Variants in GRIA4 observed in about 807,000 individuals in gnomAD.
GRIA4 encodes the protein glutamate ionotropic receptor AMPA type subunit 4.
A neutral mutation model predicts 104.0 loss-of-function variants in GRIA4; 34 were observed. That is an observed-to-expected ratio of 0.33 (90% confidence interval 0.25 to 0.44). GRIA4 has a LOEUF of 0.44. Among genes scored for constraint, GRIA4 ranks in the 20% least tolerant of loss-of-function variants. The probability of loss-of-function intolerance (pLI) is 1.00; values close to 1 mark genes in which losing one functional copy is unlikely to be tolerated. For synonymous variants in GRIA4, 386 were observed against 381.9 expected (o/e 1.01, Z -0.13); for missense variants, 750 against 1,096.5 (o/e 0.68, Z 4.46).
Position 105,910,508 on chromosome 11 carries a change from C to T in GRIA4, c.1232C>T (p.Ala411Val), listed in dbSNP as rs374681143. ...DVPTLGNDTA[A>V]IENRTVVVTT... ...CCAACTCTTGGCAATGACACAGCTG[C>T]TATTGAGAACAGAACAGTGGTTGTA... Residue 411 changes from alanine (A) to valine (V), a missense_variant, in exon 10 of 17, where the codon GCT becomes GTT. By Grantham distance (64) the Ala-to-Val change is moderately conservative (BLOSUM62 0). This residue lies in a region of GRIA4 where 410 missense variants were observed against 502.7 expected (regional missense o/e 0.82). Coordinates refer to ENST00000282499, the MANE Select transcript of GRIA4 (RefSeq NM_000829.4). The T allele has an allele frequency of 3.2e-6, 5 of 1,585,892 alleles. No individual in the cohort carries two copies. The African/African-American group carries it at 6.7e-5, about 21-fold the overall frequency.
chr11:105,794,504 T>TATATATATATATAC (rs1942389132), intron 4 of GRIA4, among the ~76,000 whole-genome samples: 2 of 122,204 alleles, frequency 1.6e-5, no homozygotes, highest in African/African-American at 6.6e-5. Flanking sequence ...TATATATATA[T>TATATATATATATAC]ATATATATAC....
chr11:105,770,745 C>T (rs965563682), intron 4 of GRIA4, among the ~76,000 whole-genome samples: 1 of 152,002 alleles, frequency 6.6e-6, no homozygotes, highest in African/African-American at 2.4e-5. Context: ...AAGATTTTTC[C>T]AATTTTCACA....
chr11:105,716,266 G>A (rs1954085916), intron 3 of GRIA4, among the ~76,000 whole-genome samples: 1 of 152,018 alleles, frequency 6.6e-6, no homozygotes, highest in Non-Finnish European at 1.5e-5. Flanking sequence ...ACTATTAAAT[G>A]TAAATTTTGC....
chr11:105,866,506 T>C (rs1350058180), intron 5 of GRIA4, among the ~76,000 whole-genome samples: 1 of 146,950 alleles, frequency 6.8e-6, no homozygotes, highest in Non-Finnish European at 1.5e-5. Flanking sequence ...TACACATACA[T>C]ATATATACAC....
rs1288600354 is a variant in GRIA4 at position 105,971,904 on chromosome 11, C to T, written c.2295-10C>T. 1 of 1,494,280 alleles carries T rather than the reference C, an allele frequency of 6.7e-7. No individual in the cohort carries two copies. Among genetic ancestry groups the T allele is most frequent in the Admixed American group, 1.7e-5 (1 of 59,536 alleles). The allele number at this position is 1,494,280 out of a possible 1,614,324, so 92.6% of individuals were successfully genotyped here. A position where few individuals can be genotyped will look rare whatever the true frequency, so the allele number is the denominator to read the frequency against. ...TATATAATGTTATTTATGTTATTTT[C>T]CACGTGAAGAACTCCTGTAAACCTT... On this transcript the variant is annotated splice_polypyrimidine_tract_variant and intron_variant, in intron 14 of 16. Transcript: ENST00000282499.
At chr11:105,919,352 A>G (rs1451116711) in intron 11 of GRIA4, among the ~76,000 whole-genome samples, 1 of 152,158 alleles carries the variant, frequency 6.6e-6, no homozygotes, top group Non-Finnish European at 1.5e-5. Flanking sequence ...AATTACTCAT[A>G]GATATCTTTT....
chr11:105,786,263 G>C (rs992457992), intron 4 of GRIA4, among the ~76,000 whole-genome samples: 1 of 151,580 alleles, frequency 6.6e-6, no homozygotes, highest in Non-Finnish European at 1.5e-5. Flanking sequence ...TCACATTACC[G>C]AGTTGAATCT....
In GRIA4 at chr11:105,666,254, T is replaced by TA. The variant is rs1952161728; in HGVS notation, c.247+53820_247+53821insA. Among the ~76,000 whole-genome samples the TA allele has an allele frequency of 7.2e-5, 11 of 152,146 alleles. No homozygotes were observed. The South Asian group carries it at 1.9e-3, about 26-fold the overall frequency. ...ATTTCTATTGATTGTACCATATTAT[T>TA]CACTAATCCTTTCATTCAAACAATA... is the stretch of plus-strand genomic sequence containing the variant. On this transcript the variant is annotated intron_variant, in intron 3 of 16. Transcript: ENST00000282499.
At chr11:105,870,413 T>C (rs551417702) in intron 5 of GRIA4, among the ~76,000 whole-genome samples, 7 of 152,116 alleles carry the variant, frequency 4.6e-5, no homozygotes, top group Non-Finnish European at 1.0e-4. Context: ...TTAACACACA[T>C]TTATCCAGTA....
intron 4 of GRIA4, among the ~76,000 whole-genome samples, chr11:105,807,904 C>T (rs1943016924): frequency 6.6e-6 from 1 of 151,886 alleles, no homozygotes; most frequent in African/African-American, 2.4e-5. Context: ...TTCTGTTTAG[C>T]TTCAAATAAT....
At chr11:105,636,845 G>A (rs1951216864) in intron 3 of GRIA4, among the ~76,000 whole-genome samples, 1 of 152,166 alleles carries the variant, frequency 6.6e-6, no homozygotes, top group South Asian at 2.1e-4. Flanking sequence ...ACTGCACTTG[G>A]CTAGAACTGA....
intron 4 of GRIA4, among the ~76,000 whole-genome samples, chr11:105,779,975 T>C (rs2186599): frequency 6.6e-6 from 1 of 152,158 alleles, no homozygotes; most frequent in Non-Finnish European, 1.5e-5. Flanking sequence ...CTAGAGGAAT[T>C]GCTTTAAAGG....
Position 105,924,780 on chromosome 11 carries a change from A to G in GRIA4, c.1847+11A>G. On this transcript the variant is annotated intron_variant, in intron 12 of 16. Coordinates refer to ENST00000282499, the MANE Select transcript of GRIA4 (RefSeq NM_000829.4). Reference sequence around the variant, plus strand: ...TGACATTTCACCCAGGTTAGTTTCAAATCTCTTAAGTTCTTCACTGATTTC... The same window carrying G: ...TGACATTTCACCCAGGTTAGTTTCAGATCTCTTAAGTTCTTCACTGATTTC... The G allele has an allele frequency of 6.3e-7, 1 of 1,577,304 alleles. No individual in the cohort carries two copies. The highest frequency in any genetic ancestry group is 1.4e-5 in the African/African-American group (1 of 73,628).
At chr11:105,954,928 A>G (rs939188680) in intron 14 of GRIA4, among the ~76,000 whole-genome samples, 1 of 148,914 alleles carries the variant, frequency 6.7e-6, no homozygotes, top group African/African-American at 2.4e-5. Context: ...ATATATATAT[A>G]TAATGCCATA....
intron 4 of GRIA4, among the ~76,000 whole-genome samples, chr11:105,757,607 G>C (rs1222580138): frequency 6.6e-6 from 1 of 152,120 alleles, no homozygotes; most frequent in Non-Finnish European, 1.5e-5. Context: ...ATGGCAGGGA[G>C]ACAAATATGC....
intron 4 of GRIA4, among the ~76,000 whole-genome samples, chr11:105,767,334 T>G (rs910278196): frequency 2.6e-5 from 4 of 152,130 alleles, no homozygotes; most frequent in Non-Finnish European, 5.9e-5. Context: ...TTGTCTATAC[T>G]TGAACAAGGA....
intron 3 of GRIA4, among the ~76,000 whole-genome samples, chr11:105,688,670 G>A (rs1000097711): frequency 2.0e-5 from 3 of 152,192 alleles, no homozygotes. Context: ...ATTGTGTTAA[G>A]TGATGCAGAC....
chr11:105,838,420 C>G (rs1057043823), intron 4 of GRIA4, among the ~76,000 whole-genome samples: 1 of 152,140 alleles, frequency 6.6e-6, no homozygotes, highest in Non-Finnish European at 1.5e-5. Flanking sequence ...CTGCAGAGTT[C>G]TGCCTCTGAT....
intron 4 of GRIA4, among the ~76,000 whole-genome samples, chr11:105,777,481 CTTA>C (rs1941500668): frequency 6.6e-6 from 1 of 152,068 alleles, no homozygotes; most frequent in Non-Finnish European, 1.5e-5. Flanking sequence ...TCCTTATATT[CTTA>C]TATTTTATTT....
Sources: allele counts gnomAD v4.1 joint callset (sites outside exome capture counted in the v4.1 genomes callset), GRCh38; gene constraint gnomAD v4.1.1; regional missense constraint gnomAD v4.1.1; transcripts MANE v1.5; gene names NCBI Gene and HGNC (gene_info 2026-07-23, HGNC 2026-07-21).